The following GRID2 variants were observed in gnomAD, a reference collection of about 807,000 sequenced individuals.
GRID2 encodes glutamate receptor ionotropic, delta-2.
In GRID2, 33 loss-of-function variants were observed where a neutral mutation model predicts 114.8. That is an observed-to-expected ratio of 0.29 (90% CI 0.22 to 0.38). The LOEUF (loss-of-function observed/expected upper bound fraction) is 0.38, where lower values mean the gene tolerates loss of function less well. Among genes scored for constraint, GRID2 ranks in the 10% least tolerant of loss-of-function variants. GRID2 has a pLI of 1.00. For synonymous variants in GRID2, 505 were observed against 449.9 expected (o/e 1.12, Z -1.55); for missense variants, 1,184 against 1,257.7 (o/e 0.94, Z 0.89).
intron 2 of GRID2, among the ~76,000 whole-genome samples, chr4:92,605,394 CTAATT>C (rs1312465316): frequency 4.6e-5 from 7 of 151,696 alleles, no homozygotes; most frequent in Middle Eastern, 6.3e-3. Flanking sequence ...ATGAGTTAGA[CTAATT>C]TAATTCAAGT....
chr4:93,409,608 CTG>C (rs1346898763), intron 9 of GRID2, among the ~76,000 whole-genome samples: 3 of 152,102 alleles, frequency 2.0e-5, no homozygotes, highest in Non-Finnish European at 2.9e-5. Flanking sequence ...CACACACACA[CTG>C]AGAGAGAGAT....
chr4:93,746,353 G>A (rs551022681), intron 14 of GRID2, among the ~76,000 whole-genome samples: 1 of 152,148 alleles, frequency 6.6e-6, no homozygotes, highest in East Asian at 1.9e-4. Context: ...GTCACATGAA[G>A]CCATGACATA....
chr4:93,028,228 A>G (rs1463868066), intron 2 of GRID2, among the ~76,000 whole-genome samples: 1 of 152,208 alleles, frequency 6.6e-6, no homozygotes, highest in Admixed American at 6.6e-5. Flanking sequence ...GTGTAAGTAG[A>G]TAAAAGCTAG....
chr4:93,524,803 A>G (rs1211804016), intron 13 of GRID2, among the ~76,000 whole-genome samples: 2 of 78,342 alleles, frequency 2.6e-5, no homozygotes, highest in African/African-American at 5.6e-5. Context: ...ATATATATAT[A>G]TATATATATA....
intron 2 of GRID2, among the ~76,000 whole-genome samples, chr4:92,870,557 G>T (rs1000347354): frequency 6.6e-6 from 1 of 151,946 alleles, no homozygotes; most frequent in Non-Finnish European, 1.5e-5. Context: ...ATATGTTTCA[G>T]ATATATATTT....
At chr4:93,101,223 G>A (rs148402011) in intron 3 of GRID2, among the ~76,000 whole-genome samples, 2,085 of 152,078 alleles carry the variant, frequency 0.014, 23 homozygotes, top group Non-Finnish European at 0.021. Flanking sequence ...AATCAAATCA[G>A]GGTAGTTGAG....
At chr4:93,791,499 G>C (rs571425011) in intron 1 of GRID2, among the ~76,000 whole-genome samples, 1 of 152,024 alleles carries the variant, frequency 6.6e-6, no homozygotes, top group East Asian at 1.9e-4. Flanking sequence ...GACTAAAAAC[G>C]GTCTTTATAT....
intron 13 of GRID2, among the ~76,000 whole-genome samples, chr4:93,573,489 A>G (rs1578291861): frequency 1.3e-5 from 2 of 152,180 alleles, no homozygotes; most frequent in African/African-American, 4.8e-5. Flanking sequence ...GACAGCTGCA[A>G]ATGAGATTGC....
rs62311165 is a variant in GRID2, at chr4:92,859,253, A to G, written c.245-225742A>G. On this transcript the variant is annotated intron_variant, in intron 2 of 15. Transcript: ENST00000282020. The stretch of plus-strand genomic sequence containing the variant: ...AAAAATATTATGACTGGCTGAATGC[A>G]CAATCATTCACAATTTATAGCAATA... Among the ~76,000 whole-genome samples the G allele has an allele frequency of 2.3e-3, 345 of 152,334 alleles. 2 individuals carry two copies. Among genetic ancestry groups the G allele is most frequent in the Non-Finnish European group, 3.8e-3 (258 of 68,032 alleles).
intron 2 of GRID2, among the ~76,000 whole-genome samples, chr4:92,922,209 C>G (rs562001779): frequency 1.3e-5 from 2 of 152,152 alleles, no homozygotes; most frequent in Admixed American, 1.3e-4. Context: ...CACAGTATTA[C>G]GATGGGAGTG....
intron 2 of GRID2, among the ~76,000 whole-genome samples, chr4:92,656,678 T>C (rs559945373): frequency 6.6e-6 from 1 of 151,846 alleles, no homozygotes; most frequent in East Asian, 1.9e-4. Context: ...TCACCCTCTA[T>C]GGAAGGCAAT....
intron 4 of GRID2, among the ~76,000 whole-genome samples, chr4:93,172,203 G>A (rs1738895668): frequency 6.6e-6 from 1 of 152,174 alleles, no homozygotes; most frequent in East Asian, 1.9e-4. Flanking sequence ...TTTTGTGGTA[G>A]TCAAAGGACC....
chr4:93,657,391 A>T (rs1723113850), intron 14 of GRID2, among the ~76,000 whole-genome samples: 1 of 152,186 alleles, frequency 6.6e-6, no homozygotes, highest in Non-Finnish European at 1.5e-5. Context: ...TGACTAAATG[A>T]ACCACTGTTA....
At chr4:92,521,226 TTAA>T (rs1724760260) in intron 1 of GRID2, among the ~76,000 whole-genome samples, 1 of 151,900 alleles carries the variant, frequency 6.6e-6, no homozygotes, top group Admixed American at 6.6e-5. Flanking sequence ...AAAAAATTCC[TTAA>T]TACTACACTT....
intron 2 of GRID2, among the ~76,000 whole-genome samples, chr4:92,964,914 T>C (rs1753042065): frequency 6.6e-6 from 1 of 152,058 alleles, no homozygotes; most frequent in Non-Finnish European, 1.5e-5. Context: ...TTCACTATAA[T>C]AGTACATTTA....
chr4:93,184,142 T>C (rs1423405250), intron 4 of GRID2, among the ~76,000 whole-genome samples: 2 of 152,022 alleles, frequency 1.3e-5, no homozygotes, highest in African/African-American at 2.4e-5. Context: ...GTATTCCAGA[T>C]GGGAAAAACT....
At chr4:93,051,590 C>T (rs938369436) in intron 2 of GRID2, among the ~76,000 whole-genome samples, 4 of 151,954 alleles carry the variant, frequency 2.6e-5, no homozygotes, top group African/African-American at 7.2e-5. Flanking sequence ...TGTCTGAGAT[C>T]GCTGAAGAAG....
chr4:93,635,359 A>G lies in GRID2; in HGVS notation c.2360+8924A>G, dbSNP rs147372713. Among the ~76,000 whole-genome samples, 14 of 150,090 alleles carry G rather than the reference A, an allele frequency of 9.3e-5. No homozygotes were observed. The East Asian group carries it at 2.5e-3, about 27-fold the overall frequency. ...GCAAGAAAGAGGACACTGAAGGTTC[A>G]CTCTCAAAGGGAGACAGGAGTAGGA... On this transcript the variant is annotated intron_variant, in intron 14 of 15. Coordinates refer to ENST00000282020, the MANE Select transcript of GRID2 (RefSeq NM_001510.4).
chr4:93,114,792 G>A (rs1733084641), intron 4 of GRID2, among the ~76,000 whole-genome samples: 1 of 152,152 alleles, frequency 6.6e-6, no homozygotes, highest in African/African-American at 2.4e-5. Flanking sequence ...ATTTGAAAGA[G>A]TACACTGAAA....
Sources: allele counts gnomAD v4.1 joint callset (sites outside exome capture counted in the v4.1 genomes callset), GRCh38; gene constraint gnomAD v4.1.1; transcripts MANE v1.5; gene names NCBI Gene and HGNC (gene_info 2026-07-23, HGNC 2026-07-21).